The following CSMD3 variants were observed in gnomAD, a reference collection of about 807,000 sequenced individuals.
CSMD3 encodes CUB and Sushi multiple domains 3.
In CSMD3, 177 loss-of-function variants were observed where a neutral mutation model predicts 435.2. The observed-to-expected ratio is 0.41, with a 90% CI of 0.36 to 0.46. The LOEUF (loss-of-function observed/expected upper bound fraction) is 0.46, where lower values mean the gene tolerates loss of function less well. Among genes scored for constraint, CSMD3 ranks in the 20% least tolerant of loss-of-function variants. CSMD3 has a pLI of 0.34. For synonymous variants in CSMD3, 1,656 were observed against 1,520.5 expected, an observed-to-expected ratio of 1.09 and a Z score of -2.07; for missense variants, 4,265 against 4,504.6, an observed-to-expected ratio of 0.95 and a Z score of 1.52.
chr8:112,511,936 T>A (rs561048861), intron 28 of CSMD3, among the ~76,000 whole-genome samples: 1 of 152,268 alleles, frequency 6.6e-6, no homozygotes, highest in East Asian at 1.9e-4. Flanking sequence ...TCTTTTCCCA[T>A]CCATAAGAAG....
intron 3 of CSMD3, among the ~76,000 whole-genome samples, chr8:113,271,523 G>A (rs573455793): frequency 7.9e-5 from 12 of 152,246 alleles, no homozygotes; most frequent in Middle Eastern, 3.4e-3. Context: ...CAGCTTACAC[G>A]TGATGTTGAG....
intron 6 of CSMD3, among the ~76,000 whole-genome samples, chr8:112,984,599 T>C (rs1175630171): frequency 6.6e-6 from 1 of 152,084 alleles, no homozygotes; most frequent in Admixed American, 6.6e-5. Context: ...AAATCTTCCC[T>C]GGAGGAGAGA....
At chr8:112,328,297 G>A (rs1823703320) in intron 45 of CSMD3, among the ~76,000 whole-genome samples, 2 of 152,138 alleles carry the variant, frequency 1.3e-5, no homozygotes, top group African/African-American at 2.4e-5. Flanking sequence ...CTTGAAAGCA[G>A]AACTAAGTGT....
At chr8:113,430,971 A>G (rs2094668764) in intron 1 of CSMD3, among the ~76,000 whole-genome samples, 1 of 152,230 alleles carries the variant, frequency 6.6e-6, no homozygotes, top group Non-Finnish European at 1.5e-5. Flanking sequence ...TAAGAGAAGG[A>G]AAGGTGATCA....
chr8:112,477,389 C>T (rs558206372), intron 31 of CSMD3, among the ~76,000 whole-genome samples: 1 of 152,082 alleles, frequency 6.6e-6, no homozygotes, highest in African/African-American at 2.4e-5. Context: ...TGTCTAATAC[C>T]AAGCCCATAG....
At chr8:113,023,707 T>C (rs1368498530) in intron 5 of CSMD3, among the ~76,000 whole-genome samples, 1 of 152,146 alleles carries the variant, frequency 6.6e-6, no homozygotes, top group Non-Finnish European at 1.5e-5. Context: ...CAAAGTTCCA[T>C]GGTTAAGAGA....
chr8:112,959,266 AT>A (rs1325507060), intron 7 of CSMD3, among the ~76,000 whole-genome samples: 1 of 152,026 alleles, frequency 6.6e-6, no homozygotes, highest in African/African-American at 2.4e-5. Flanking sequence ...CATTTATTAA[AT>A]GTTTTCAGAA....
intron 63 of CSMD3, among the ~76,000 whole-genome samples, chr8:112,250,958 A>G (rs1185666061): frequency 6.6e-6 from 1 of 151,768 alleles, no homozygotes; most frequent in African/African-American, 2.4e-5. Flanking sequence ...CTTAGTTCCT[A>G]AATCATAAAA....
intron 22 of CSMD3, among the ~76,000 whole-genome samples, chr8:112,602,723 CTTACAATAAAGTA>C (rs1178565643): frequency 6.6e-6 from 1 of 151,524 alleles, no homozygotes; most frequent in African/African-American, 2.4e-5. Flanking sequence ...ATACTATATT[CTTACAATAAAGTA>C]AGCTAGAGCA....
chr8:112,945,588 A>ATATG (rs112339651), intron 9 of CSMD3, among the ~76,000 whole-genome samples: 1,414 of 140,686 alleles, frequency 0.01, 9 homozygotes, highest in Non-Finnish European at 0.015. Flanking sequence ...ATACAGAAAT[A>ATATG]TGTGTGTGTG....
intron 17 of CSMD3, among the ~76,000 whole-genome samples, chr8:112,657,150 C>T (rs1300077869): frequency 6.6e-6 from 1 of 150,928 alleles, no homozygotes; most frequent in East Asian, 2.0e-4. Context: ...GCAGCGTCTG[C>T]CTCCTGGACT....
At chr8:112,422,834 C>T (rs534400644) in intron 32 of CSMD3, among the ~76,000 whole-genome samples, 1 of 152,170 alleles carries the variant, frequency 6.6e-6, no homozygotes, top group South Asian at 2.1e-4. Context: ...TGATCAACAG[C>T]AAAAACAAGT....
intron 13 of CSMD3, among the ~76,000 whole-genome samples, chr8:112,719,148 T>C (rs541999963): frequency 6.6e-6 from 1 of 152,246 alleles, no homozygotes; most frequent in Admixed American, 6.5e-5. Context: ...ATATAAATAC[T>C]GTATTTTGCT....
chr8:113,386,580 T>TA, intron 1 of CSMD3, among the ~76,000 whole-genome samples: 1 of 151,918 alleles, frequency 6.6e-6, no homozygotes, highest in South Asian at 2.1e-4. Flanking sequence ...AGTGTATTTT[T>TA]AAAAAATCAT....
chr8:112,680,367 C>T (rs1471863309), intron 16 of CSMD3, among the ~76,000 whole-genome samples: 1 of 152,010 alleles, frequency 6.6e-6, no homozygotes, highest in Admixed American at 6.5e-5. Flanking sequence ...TCAAAACAAA[C>T]AAACAAACAA....
intron 3 of CSMD3, among the ~76,000 whole-genome samples, chr8:113,217,349 CCCGTG>C (rs2092916871): frequency 6.6e-6 from 1 of 151,116 alleles, no homozygotes; most frequent in African/African-American, 2.4e-5. Context: ...AAAAATGTGA[CCCGTG>C]ATCAGACAAA....
At chr8:112,966,352 T>C (rs993602339) in intron 7 of CSMD3, among the ~76,000 whole-genome samples, 3 of 151,588 alleles carry the variant, frequency 2.0e-5, no homozygotes, top group Admixed American at 6.6e-5. Context: ...CAGACAAAGG[T>C]AATTTCACCA....
At chr8:112,989,744 G>A (rs1017307361) in intron 6 of CSMD3, among the ~76,000 whole-genome samples, 3 of 151,970 alleles carry the variant, frequency 2.0e-5, no homozygotes, top group African/African-American at 4.8e-5. Context: ...AAGGGATGAT[G>A]TGTGACTTCT....
intron 1 of CSMD3, among the ~76,000 whole-genome samples, chr8:113,412,810 A>G (rs890786864): frequency 3.2e-5 from 3 of 94,006 alleles, no homozygotes; most frequent in Non-Finnish European, 4.7e-5. Context: ...TGTTACAGGT[A>G]AAAAAAAACA....
Sources: allele counts gnomAD v4.1 joint callset (sites outside exome capture counted in the v4.1 genomes callset), GRCh38; gene constraint gnomAD v4.1.1; transcripts MANE v1.5; gene names NCBI Gene and HGNC (gene_info 2026-07-23, HGNC 2026-07-21).